PLA2G4A: variants seen among roughly 807,000 people sequenced by gnomAD.
PLA2G4A encodes phospholipase A2 group IVA.
A neutral mutation model predicts 81.9 loss-of-function variants in PLA2G4A; 40 were observed. The ratio of observed to expected loss-of-function variants is 0.49; its 90% confidence interval spans 0.38 to 0.64. The LOEUF is 0.64. Ranked by LOEUF, PLA2G4A falls within the 30% of genes least tolerant of loss-of-function variation. The pLI, the probability that PLA2G4A is intolerant of heterozygous loss-of-function variation, is 0.00. For missense variants in PLA2G4A, 715 were observed against 905.1 expected (o/e 0.79, Z 2.69); for synonymous variants, 302 against 296.9 (o/e 1.02, Z -0.18).
chr1:186,847,845 T>C (rs1310573001), intron 1 of PLA2G4A, among the ~76,000 whole-genome samples: 1 of 151,848 alleles, frequency 6.6e-6, no homozygotes, highest in Non-Finnish European at 1.5e-5. Context: ...ATCAGAGGGT[T>C]TAACATTTGT....
At chr1:186,937,459 G>A (rs1003168990) in intron 8 of PLA2G4A, among the ~76,000 whole-genome samples, 1 of 151,788 alleles carries the variant, frequency 6.6e-6, no homozygotes, top group Non-Finnish European at 1.5e-5. Flanking sequence ...TAGATATTTC[G>A]TGATTATACT....
chr1:186,855,605 TG>T (rs1317744135), intron 2 of PLA2G4A, among the ~76,000 whole-genome samples: 3 of 152,058 alleles, frequency 2.0e-5, no homozygotes, highest in African/African-American at 7.2e-5. Flanking sequence ...GGGTAAGTTC[TG>T]CTTATTTTTG....
Position 186,870,449 on chromosome 1 carries a change from T to C in PLA2G4A, c.48T>C (p.Tyr16=). 1 of 1,603,794 alleles carries C rather than the reference T, an allele frequency of 6.2e-7. No individual in the cohort carries two copies. Among genetic ancestry groups the C allele is most frequent in the Non-Finnish European group, 8.5e-7 (1 of 1,170,594 alleles). ...TTTATTTCCAGGTGGAGCACCAGTA[T>C]TCCCACAAGTTTACGGTAGTGGTGT... ...PYQHIIVEHQ[Y]SHKFTVVVLR... Residue 16 remains tyrosine (Y), a synonymous_variant, in exon 3 of 18, where the codon TAT becomes TAC. Transcript: ENST00000367466.
At position 186,877,570 on chromosome 1, in the gene PLA2G4A, T is replaced by TA. The variant is rs560763963; in HGVS notation, c.115+7057dup. Among the ~76,000 whole-genome samples, 75 of 151,956 alleles carry TA rather than the reference T, an allele frequency of 4.9e-4. 1 individual carries two copies. The highest frequency in any genetic ancestry group is 1.8e-3 in the African/African-American group (74 of 41,490). ...AAATGGAGAATGGTATCTCCATTGT[T>TA]AAACACTTTTCCGAAAACACTTGGG... On this transcript the variant is annotated intron_variant, in intron 3 of 17. Coordinates refer to ENST00000367466, the MANE Select transcript of PLA2G4A (RefSeq NM_024420.3).
chr1:186,876,789 G>A (rs530295616), intron 3 of PLA2G4A, among the ~76,000 whole-genome samples: 33 of 152,196 alleles, frequency 2.2e-4, no homozygotes, highest in African/African-American at 7.9e-4. Context: ...TGCACAAGAA[G>A]CATGGGCTTC....
At chr1:186,948,323 G>A (rs1256275064) in intron 12 of PLA2G4A, among the ~76,000 whole-genome samples, 1 of 152,070 alleles carries the variant, frequency 6.6e-6, no homozygotes, top group Admixed American at 6.6e-5. Context: ...AACAAGGTAG[G>A]TGGCACCCAT....
At chr1:186,950,036 A>G (rs1656500956) in intron 12 of PLA2G4A, among the ~76,000 whole-genome samples, 1 of 152,164 alleles carries the variant, frequency 6.6e-6, no homozygotes, top group Non-Finnish European at 1.5e-5. Context: ...AACATAAAGA[A>G]GAAAGATAAC....
At chr1:186,950,369 AGTT>A (rs1201191152) in intron 12 of PLA2G4A, among the ~76,000 whole-genome samples, 5 of 152,156 alleles carry the variant, frequency 3.3e-5, no homozygotes, top group African/African-American at 1.2e-4. Flanking sequence ...CCTATAATCA[AGTT>A]GTTATTTTTG....
chr1:186,968,435 T>A (rs1657215385), intron 15 of PLA2G4A, among the ~76,000 whole-genome samples: 1 of 151,566 alleles, frequency 6.6e-6, no homozygotes, highest in Non-Finnish European at 1.5e-5. Context: ...TGTGTGTGTA[T>A]GTGTCTATAC....
chr1:186,869,452 C>T lies in PLA2G4A; in HGVS notation c.34-983C>T, dbSNP rs1653160134. On this transcript the variant is annotated intron_variant, in intron 2 of 17. Transcript: ENST00000367466. Reference sequence around the variant, plus strand: ...GTACTATAAATTGAAATATTAATTACATTATTGATGGAGTGATTTCTACAG... The same window carrying T: ...GTACTATAAATTGAAATATTAATTATATTATTGATGGAGTGATTTCTACAG... 2.6e-5 allele frequency among the ~76,000 whole-genome samples: 4 copies of T among 152,072 alleles called. No individual in the cohort carries two copies. In the South Asian group the frequency reaches 8.3e-4, roughly 32 times the overall value.
chr1:186,870,870 T>G (rs1653241688), intron 3 of PLA2G4A: 1 of 557,228 alleles, frequency 1.8e-6, no homozygotes, highest in African/African-American at 1.9e-5. Context: ...TCTGGATCTT[T>G]GAACGATAAC....
At chr1:186,873,624 A>G (rs1451598403) in intron 3 of PLA2G4A, among the ~76,000 whole-genome samples, 3 of 152,082 alleles carry the variant, frequency 2.0e-5, no homozygotes, top group East Asian at 1.9e-4. Context: ...TTTAAAGAGG[A>G]TAGTGCTAAG....
At chr1:186,984,996 A>T (rs1449680932) in intron 17 of PLA2G4A, among the ~76,000 whole-genome samples, 3 of 152,154 alleles carry the variant, frequency 2.0e-5, no homozygotes, top group African/African-American at 4.8e-5. Context: ...AGCTGAGATG[A>T]GGCTGCATGT....
At chr1:186,858,891 G>T (rs1378327004) in intron 2 of PLA2G4A, among the ~76,000 whole-genome samples, 1 of 150,636 alleles carries the variant, frequency 6.6e-6, no homozygotes, top group Non-Finnish European at 1.5e-5. Flanking sequence ...ATGTGTATAT[G>T]GAAAAAAAAC....
chr1:186,842,103 C>T (rs1430973634), intron 1 of PLA2G4A, among the ~76,000 whole-genome samples: 1 of 147,758 alleles, frequency 6.8e-6, no homozygotes, highest in African/African-American at 2.5e-5. Flanking sequence ...AGGGCAGTGG[C>T]GTGATCTCGG....
chr1:186,883,257 A>G (rs1653803273), intron 3 of PLA2G4A, among the ~76,000 whole-genome samples: 1 of 152,136 alleles, frequency 6.6e-6, no homozygotes, highest in Non-Finnish European at 1.5e-5. Flanking sequence ...AACAGGATTG[A>G]ACTATTTCAA....
At chr1:186,951,827 C>A (rs1656571974) in intron 13 of PLA2G4A, among the ~76,000 whole-genome samples, 1 of 152,070 alleles carries the variant, frequency 6.6e-6, no homozygotes, top group Non-Finnish European at 1.5e-5. Context: ...CTTCCCTGGG[C>A]AGCCAACGCT....
At position 186,857,308 on chromosome 1, in the gene PLA2G4A, TATTATATGTA is replaced by T. The variant is rs1272146046; in HGVS notation, c.33+2924_33+2933del. 7.9e-3 allele frequency among the ~76,000 whole-genome samples: 924 copies of T among 116,892 alleles called. 7 individuals carry two copies. Among genetic ancestry groups the T allele is most frequent in the Non-Finnish European group, 0.012 (697 of 59,818 alleles). 76.7% of individuals were successfully genotyped at this position (116,892 alleles called of 152,430 possible). A position where few individuals can be genotyped will look rare whatever the true frequency, so the allele number is the denominator to read the frequency against. On this transcript the variant is annotated intron_variant, in intron 2 of 17. Coordinates refer to ENST00000367466, the MANE Select transcript of PLA2G4A (RefSeq NM_024420.3). Reference sequence around the variant, plus strand: ...ATATTATATGTATATATTATATTTATATTATATGTAATATAATATAAATATAATATTATAT... The same window carrying T: ...ATATTATATGTATATATTATATTTATATATAATATAAATATAATATTATAT...
At chr1:186,973,737 T>C (rs759914155) in intron 15 of PLA2G4A, among the ~76,000 whole-genome samples, 11 of 152,258 alleles carry the variant, frequency 7.2e-5, no homozygotes, top group Non-Finnish European at 1.5e-4. Flanking sequence ...TATTGCATTA[T>C]AAAGCTCTTG....
Sources: allele counts gnomAD v4.1 joint callset (sites outside exome capture counted in the v4.1 genomes callset), GRCh38; gene constraint gnomAD v4.1.1; transcripts MANE v1.5; gene names NCBI Gene and HGNC (gene_info 2026-07-23, HGNC 2026-07-21).